Variants in SHB observed in about 807,000 individuals in gnomAD.
SHB encodes the protein SH2 domain containing adaptor protein B.
SHB carries 20 observed loss-of-function variants against 52.3 expected under a neutral mutation model. The observed-to-expected ratio is 0.38, with a 90% confidence interval of 0.27 to 0.56. SHB has a LOEUF of 0.56. SHB is among the 20% of genes least tolerant of loss of function. The probability of loss-of-function intolerance (pLI) is 0.71; values close to 1 mark genes in which losing one functional copy is unlikely to be tolerated. For missense variants in SHB, 825 were observed against 723.3 expected (o/e 1.14, Z -1.61); for synonymous variants, 397 against 316.5 (o/e 1.25, Z -2.70).
chr9:37,942,475 A>G (rs1208873323), intron 5 of SHB, among the ~76,000 whole-genome samples: 3 of 152,202 alleles, frequency 2.0e-5, no homozygotes, highest in African/African-American at 7.2e-5. Flanking sequence ...TACCTGCCCA[A>G]GTCACCTAGT....
intron 2 of SHB, among the ~76,000 whole-genome samples, chr9:37,988,967 G>A (rs1820845279): frequency 6.6e-6 from 1 of 152,136 alleles, no homozygotes; most frequent in African/African-American, 2.4e-5. Flanking sequence ...TAAACCACTG[G>A]CTCTCCTGGG....
At chr9:38,059,240 C>T (rs1191240646) in intron 1 of SHB, among the ~76,000 whole-genome samples, 1 of 136,858 alleles carries the variant, frequency 7.3e-6, no homozygotes, top group African/African-American at 2.6e-5. Flanking sequence ...GCTTCCCCCA[C>T]CCACCCACCC....
At chr9:37,988,831 C>T (rs1564095565) in intron 2 of SHB, among the ~76,000 whole-genome samples, 1 of 152,212 alleles carries the variant, frequency 6.6e-6, no homozygotes, top group Non-Finnish European at 1.5e-5. Flanking sequence ...GGACCTTCTC[C>T]CGAGTCAGAG....
Position 38,068,411 on chromosome 9 carries a change from C to A in SHB, c.235G>T (p.Asp79Tyr). ...TGCGCGCGGTAGGCGCGGATGAGGT[C>A]GCTGGTGCTGCCGCTGTCGTCGGGC... ...SLPDDSGSTS[D>Y]LIRAYRAQKE... Residue 79 changes from aspartate to tyrosine, a missense_variant, in exon 1 of 6, where the codon GAC becomes TAC. Transcript: ENST00000377707. 1 of 1,570,966 alleles carries A rather than the reference C, an allele frequency of 6.4e-7. No individual in the cohort carries two copies. Among genetic ancestry groups the A allele is most frequent in the Admixed American group, 1.8e-5 (1 of 55,886 alleles).
chr9:37,948,796 G>T, intron 4 of SHB, 42 bp from the exon 5 acceptor site: 1 of 1,610,836 alleles, frequency 6.2e-7, no homozygotes, highest in Non-Finnish European at 8.5e-7. Flanking sequence ...AGCGCGATGG[G>T]ATTCCCATGG....
rs112575807 is a variant in SHB at position 38,057,298 on chromosome 9, C to T, written c.717+10631G>A. The stretch of plus-strand genomic sequence containing the variant: ...AGACGGTATCACTTAATTTTTGTGG[C>T]GAGAAAAATAAACATATATATATAT... On this transcript the variant is annotated intron_variant, in intron 1 of 5. Coordinates refer to ENST00000377707, the MANE Select transcript of SHB (RefSeq NM_003028.3). Among the ~76,000 whole-genome samples the T allele has an allele frequency of 1.6e-3, 248 of 151,360 alleles. 1 individual carries two copies. The highest frequency in any genetic ancestry group is 5.6e-3 in the African/African-American group (232 of 41,148).
intron 1 of SHB, among the ~76,000 whole-genome samples, chr9:38,031,307 G>A (rs190405221): frequency 2.6e-5 from 4 of 152,232 alleles, no homozygotes; most frequent in Admixed American, 6.5e-5. Flanking sequence ...GTGACAGAGC[G>A]AGAGACTATG....
intron 5 of SHB, among the ~76,000 whole-genome samples, chr9:37,929,420 C>T (rs923639784): frequency 6.6e-6 from 1 of 152,216 alleles, no homozygotes; most frequent in Non-Finnish European, 1.5e-5. Flanking sequence ...AAAATACTGA[C>T]GCCAGTGCAG....
rs961389001 is a variant in SHB at position 37,918,153 on chromosome 9, G to T, written c.*1668C>A. Reference sequence around the variant, plus strand: ...TTGTGCTCTGCCCAGGTGGGCCAGGGATGACAGTCGTCAAACTTCTAGTTC... The same window carrying T: ...TTGTGCTCTGCCCAGGTGGGCCAGGTATGACAGTCGTCAAACTTCTAGTTC... On this transcript the variant is annotated 3_prime_UTR_variant, in exon 6 of 6. Coordinates refer to ENST00000377707, the MANE Select transcript of SHB (RefSeq NM_003028.3). Among the ~76,000 whole-genome samples, 1 of 152,242 alleles carries T rather than the reference G, an allele frequency of 6.6e-6. No homozygotes were observed. Among genetic ancestry groups the T allele is most frequent in the Non-Finnish European group, 1.5e-5 (1 of 68,048 alleles).
At chr9:37,972,930 A>G (rs1820608993) in intron 3 of SHB, among the ~76,000 whole-genome samples, 1 of 152,220 alleles carries the variant, frequency 6.6e-6, no homozygotes, top group Non-Finnish European at 1.5e-5. Flanking sequence ...ACTAAAGATA[A>G]AAAGTTTCCC....
intron 1 of SHB, among the ~76,000 whole-genome samples, chr9:38,030,551 T>A (rs1411648846): frequency 6.6e-6 from 1 of 152,162 alleles, no homozygotes; most frequent in Non-Finnish European, 1.5e-5. Context: ...TATTTTTAAA[T>A]GCCAGTATAT....
At chr9:37,979,720 GC>G (rs1820700436) in intron 2 of SHB, among the ~76,000 whole-genome samples, 1 of 152,082 alleles carries the variant, frequency 6.6e-6, no homozygotes, top group African/African-American at 2.4e-5. Context: ...ACTTTGGGAG[GC>G]CAAGGTGGGC....
chr9:37,977,395 G>C (rs1478884165), intron 2 of SHB, among the ~76,000 whole-genome samples: 1 of 152,158 alleles, frequency 6.6e-6, no homozygotes, highest in African/African-American at 2.4e-5. Flanking sequence ...TCCCTGGAAA[G>C]AGAGAGAATA....
chr9:38,016,233 GC>G (rs1821209716), intron 1 of SHB, 102 bp from the exon 2 acceptor site: 1 of 1,289,486 alleles, frequency 7.8e-7, no homozygotes, highest in Non-Finnish European at 1.1e-6. Context: ...GCAAGGAGAG[GC>G]AGGGGAGGCA....
At chr9:38,059,480 G>A (rs1821864505) in intron 1 of SHB, among the ~76,000 whole-genome samples, 1 of 152,212 alleles carries the variant, frequency 6.6e-6, no homozygotes, top group Non-Finnish European at 1.5e-5. Flanking sequence ...GGAAAATTCA[G>A]TTCTTCCTGC....
At chr9:38,006,669 C>T (rs770633613) in intron 2 of SHB, among the ~76,000 whole-genome samples, 1 of 152,162 alleles carries the variant, frequency 6.6e-6, no homozygotes, top group Non-Finnish European at 1.5e-5. Flanking sequence ...GGATGTGTTC[C>T]GAGGGGCCTG....
At chr9:38,050,104 T>C (rs975922014) in intron 1 of SHB, among the ~76,000 whole-genome samples, 9 of 152,174 alleles carry the variant, frequency 5.9e-5, no homozygotes, top group African/African-American at 2.2e-4. Context: ...ATTTAAAAAT[T>C]GAATGCATGA....
chr9:37,957,772 G>A (rs572611409), intron 3 of SHB, among the ~76,000 whole-genome samples: 3 of 152,362 alleles, frequency 2.0e-5, no homozygotes, highest in African/African-American at 4.8e-5. Flanking sequence ...ATCAGTGGCT[G>A]GGGACAAGTG....
At chr9:37,946,718 C>T (rs1832495416) in intron 5 of SHB, among the ~76,000 whole-genome samples, 1 of 152,176 alleles carries the variant, frequency 6.6e-6, no homozygotes, top group South Asian at 2.1e-4. Flanking sequence ...CTGTCCTGTC[C>T]TCCCTGATCC....
Sources: gnomAD v4.1 joint callset for allele counts (sites outside exome capture counted in the v4.1 genomes callset) on GRCh38, gnomAD v4.1.1 for gene constraint, MANE v1.5 for transcripts, NCBI Gene and HGNC (gene_info 2026-07-23, HGNC 2026-07-21) for gene names.